Variants in DLGAP4 observed in about 807,000 individuals in gnomAD.
The protein encoded by DLGAP4 is disks large-associated protein 4.
A neutral mutation model predicts 86.9 loss-of-function variants in DLGAP4; 18 were observed. The ratio of observed to expected loss-of-function variants is 0.21; its 90% CI spans 0.14 to 0.31. DLGAP4 has a LOEUF of 0.31. Among genes scored for constraint, DLGAP4 ranks in the 10% least tolerant of loss-of-function variants. The pLI is 1.00. For synonymous variants in DLGAP4, 548 were observed against 574.3 expected, an observed-to-expected ratio of 0.95 and a Z score of 0.65; for missense variants, 1,085 against 1,362.6, an observed-to-expected ratio of 0.80 and a Z score of 3.21.
intron 2 of DLGAP4, among the ~76,000 whole-genome samples, chr20:36,369,830 G>A (rs1250208061): frequency 4.6e-5 from 7 of 152,186 alleles, no homozygotes; most frequent in African/African-American, 1.7e-4. Flanking sequence ...AATAGCTAAT[G>A]TTTATTGAGC....
chr20:36,476,927 A>G (rs1009224492), intron 7 of DLGAP4, among the ~76,000 whole-genome samples: 4 of 148,944 alleles, frequency 2.7e-5, no homozygotes, highest in Admixed American at 2.7e-4. Flanking sequence ...TCCTGACCTC[A>G]GGTGATCCGC....
intron 7 of DLGAP4, among the ~76,000 whole-genome samples, chr20:36,453,911 C>G (rs550617666): frequency 5.5e-4 from 64 of 115,550 alleles, no homozygotes; most frequent in Non-Finnish European, 1.1e-4. Context: ...CCAGACTGGG[C>G]GAAAAGAGTG....
intron 7 of DLGAP4, among the ~76,000 whole-genome samples, chr20:36,459,245 T>C (rs563057092): frequency 7.0e-4 from 107 of 152,280 alleles, no homozygotes; most frequent in African/African-American, 2.5e-3. Context: ...CATAAATATC[T>C]TCTGGGACCC....
intron 10 of DLGAP4, chr20:36,507,841 A>G (rs2036464515): frequency 6.6e-6 from 1 of 152,218 alleles, no homozygotes; most frequent in South Asian, 2.1e-4. Context: ...TTGGGGTGAC[A>G]TGACACCTGA....
At chr20:36,468,101 G>A (rs1275694084) in intron 7 of DLGAP4, among the ~76,000 whole-genome samples, 4 of 152,186 alleles carry the variant, frequency 2.6e-5, no homozygotes, top group Admixed American at 6.5e-5. Flanking sequence ...TGAAGGTCAG[G>A]GTGCCAGTTT....
At chr20:36,378,865 C>T (rs953808951) in intron 2 of DLGAP4, among the ~76,000 whole-genome samples, 8 of 151,910 alleles carry the variant, frequency 5.3e-5, no homozygotes, top group African/African-American at 1.7e-4. Flanking sequence ...GGTGGGAAGG[C>T]GTGGGAAGCA....
intron 10 of DLGAP4, among the ~76,000 whole-genome samples, chr20:36,513,913 C>G (rs903403208): frequency 6.6e-6 from 1 of 152,066 alleles, no homozygotes; most frequent in Non-Finnish European, 1.5e-5. Context: ...CTTTGTTAGA[C>G]ATCAGAATAG....
At chr20:36,324,019 A>G (rs1258446751) in intron 1 of DLGAP4, among the ~76,000 whole-genome samples, 1 of 152,240 alleles carries the variant, frequency 6.6e-6, no homozygotes, top group African/African-American at 2.4e-5. Flanking sequence ...AACTTTGATG[A>G]AGTCCAATTC....
intron 7 of DLGAP4, among the ~76,000 whole-genome samples, chr20:36,481,761 T>C (rs1411422769): frequency 6.6e-6 from 1 of 151,932 alleles, no homozygotes; most frequent in Non-Finnish European, 1.5e-5. Context: ...AGGTTCCAGT[T>C]TGACGATATC....
rs546568361 is a variant in DLGAP4, at chr20:36,462,627, C to G, written c.1648+15690C>G. On this transcript the variant is annotated intron_variant, in intron 7 of 12. Transcript: ENST00000339266. ...GAGTGGTGGGGTGTCCGGGTCGGGC[C>G]GGAGTTGGCCCGCAGGCTGGCCGCG... is the stretch of plus-strand genomic sequence containing the variant. 11 of 1,574,406 alleles carry G rather than the reference C, an allele frequency of 7.0e-6. No homozygotes were observed. The South Asian group carries it at 9.3e-5, about 13-fold the overall frequency.
rs2037841930 is a variant in DLGAP4 at position 36,527,488 on chromosome 20, T to TTCTC, written c.*459_*462dup. 1 of 154,558 alleles carries TTCTC rather than the reference T, an allele frequency of 6.5e-6. No individual in the cohort carries two copies. Among genetic ancestry groups the TTCTC allele is most frequent in the African/African-American group, 2.4e-5 (1 of 41,480 alleles). The allele number at this position is 154,558 out of a possible 1,614,324, so 9.6% of individuals were successfully genotyped here. A position where few individuals can be genotyped will look rare whatever the true frequency, so the allele number is the denominator to read the frequency against. On this transcript the variant is annotated 3_prime_UTR_variant, in exon 13 of 13. Transcript: ENST00000339266. ...GACCTTGATTTTCATTCTTATGTTT[T>TTCTC]TCTCTTTTCCCTTCAGAGCTCACAC...
At chr20:36,492,375 A>C (rs2035702292) in intron 7 of DLGAP4, 1 of 152,288 alleles carries the variant, frequency 6.6e-6, no homozygotes, top group Non-Finnish European at 1.5e-5. Flanking sequence ...AGAGGATCCA[A>C]GATCAGCTCA....
intron 1 of DLGAP4, among the ~76,000 whole-genome samples, chr20:36,365,559 G>T (rs1377204158): frequency 6.6e-6 from 1 of 152,190 alleles, no homozygotes; most frequent in Non-Finnish European, 1.5e-5. Context: ...TGGGTTGGAG[G>T]CCCTGCCCTG....
chr20:36,435,965 C>T, intron 3 of DLGAP4, 144 bp from the exon 4 acceptor site: 1 of 1,271,422 alleles, frequency 7.9e-7, no homozygotes, highest in Admixed American at 3.0e-5. Flanking sequence ...TGCTCTGCTG[C>T]CCCGAGGTTT....
intron 7 of DLGAP4, among the ~76,000 whole-genome samples, chr20:36,448,109 A>G (rs944913262): frequency 2.8e-4 from 43 of 151,870 alleles, no homozygotes; most frequent in Non-Finnish European, 4.4e-5. Context: ...TAATCCCAAC[A>G]CTTTGGGGGG....
intron 1 of DLGAP4, among the ~76,000 whole-genome samples, chr20:36,324,761 T>C (rs2065200794): frequency 6.6e-6 from 1 of 152,240 alleles, no homozygotes; most frequent in Non-Finnish European, 1.5e-5. Context: ...ACTTATTATC[T>C]TTTAATATCT....
intron 7 of DLGAP4, among the ~76,000 whole-genome samples, chr20:36,488,605 GTC>G (rs2035524500): frequency 6.6e-6 from 1 of 151,028 alleles, no homozygotes; most frequent in African/African-American, 2.4e-5. Flanking sequence ...TTGAGACAGG[GTC>G]TCTTGTTGCC....
rs1418328529 is a variant in DLGAP4 at position 36,439,649 on chromosome 20, G to T, written c.1242-105G>T. On this transcript the variant is annotated intron_variant, in intron 4 of 12. Transcript: ENST00000339266. ...TGCTGCCACCCTGCGGCTGCAGCGGGCATCACAGGTGTGGACCACCTGTGC... is the reference window on the plus strand; with the variant it reads ...TGCTGCCACCCTGCGGCTGCAGCGGTCATCACAGGTGTGGACCACCTGTGC... 5 of 920,936 alleles carry T rather than the reference G, an allele frequency of 5.4e-6. No individual in the cohort carries two copies. In the East Asian group the frequency reaches 1.1e-4, roughly 20 times the overall value. 57.0% of individuals were successfully genotyped at this position (920,936 alleles called of 1,614,324 possible). A position where few individuals can be genotyped will look rare whatever the true frequency, so the allele number is the denominator to read the frequency against.
chr20:36,469,190 A>C (rs774608085), intron 7 of DLGAP4, among the ~76,000 whole-genome samples: 1 of 152,120 alleles, frequency 6.6e-6, no homozygotes, highest in African/African-American at 2.4e-5. Flanking sequence ...TGTGCCTGGC[A>C]GTGAGCTGGC....
Sources: allele counts gnomAD v4.1 joint callset (sites outside exome capture counted in the v4.1 genomes callset), GRCh38; gene constraint gnomAD v4.1.1; transcripts MANE v1.5; gene names NCBI Gene and HGNC (gene_info 2026-07-23, HGNC 2026-07-21).